The following PPP5C variants were observed in gnomAD, a reference collection of about 807,000 sequenced individuals.
PPP5C encodes protein phosphatase 5 catalytic subunit, also known as serine/threonine-protein phosphatase 5.
PPP5C carries 21 observed loss-of-function variants against 66.7 expected under a neutral mutation model. The ratio of observed to expected loss-of-function variants is 0.31; its 90% CI spans 0.22 to 0.45. PPP5C has a LOEUF of 0.45. Ranked by LOEUF, PPP5C falls within the 20% of genes least tolerant of loss-of-function variation. PPP5C has a pLI of 1.00. For missense variants in PPP5C, 464 were observed against 675.9 expected, an observed-to-expected ratio of 0.69 and a Z score of 3.48; for synonymous variants, 246 against 257.4, an observed-to-expected ratio of 0.96 and a Z score of 0.43.
chr19:46,363,192 C>T (rs1220026112), intron 2 of PPP5C, among the ~76,000 whole-genome samples: 5 of 138,414 alleles, frequency 3.6e-5, no homozygotes, highest in Non-Finnish European at 7.8e-5. Flanking sequence ...CCTGTAGTCC[C>T]AGCTACTTGG....
At chr19:46,385,758 C>T (rs1377983297) in intron 7 of PPP5C, among the ~76,000 whole-genome samples, 6 of 147,680 alleles carry the variant, frequency 4.1e-5, no homozygotes, top group Non-Finnish European at 7.4e-5. Context: ...CCAGCCTAGT[C>T]GATAGAGTGA....
At chr19:46,367,815 A>C (rs963648568) in intron 2 of PPP5C, among the ~76,000 whole-genome samples, 8 of 152,126 alleles carry the variant, frequency 5.3e-5, no homozygotes, top group Admixed American at 3.9e-4. Flanking sequence ...GCAAATCCAC[A>C]ATTAGAATAA....
chr19:46,348,337 G>A (rs947185629), intron 1 of PPP5C, among the ~76,000 whole-genome samples: 9 of 147,612 alleles, frequency 6.1e-5, no homozygotes, highest in Admixed American at 4.1e-4. Flanking sequence ...TTTGAGACGG[G>A]AGTTTTGCTC....
intron 6 of PPP5C, 134 bp from the exon 7 acceptor site, chr19:46,384,670 C>T: frequency 1.5e-6 from 1 of 676,354 alleles, no homozygotes; most frequent in African/African-American, 1.8e-5. Flanking sequence ...AGTCCTCACT[C>T]CCTGGGAGGT....
At chr19:46,367,081 A>G (rs535415206) in intron 2 of PPP5C, among the ~76,000 whole-genome samples, 7 of 152,292 alleles carry the variant, frequency 4.6e-5, no homozygotes, top group South Asian at 2.1e-4. Flanking sequence ...CTAGTGGGCT[A>G]TTTTTATCAG....
rs920612457 is a variant in PPP5C at position 46,372,177 on chromosome 19, A to G, written c.364-3427A>G. Among the ~76,000 whole-genome samples the G allele has an allele frequency of 3.3e-5, 5 of 152,030 alleles. No homozygotes were observed. The South Asian group carries it at 1.0e-3, about 32-fold the overall frequency. On this transcript the variant is annotated intron_variant, in intron 2 of 12. Transcript: ENST00000012443. The stretch of plus-strand genomic sequence containing the variant: ...TGTCCTATGATAGAGCATGTACACA[A>G]AATCATGTGGGTTTTTTTGTATTGT...
chr19:46,352,019 A>G (rs927874042), intron 1 of PPP5C, among the ~76,000 whole-genome samples: 13 of 152,136 alleles, frequency 8.5e-5, no homozygotes, highest in Non-Finnish European at 1.9e-4. Flanking sequence ...TCCCTTCTGT[A>G]ATGTCAGTCC....
chr19:46,371,889 A>G (rs1250159536), intron 2 of PPP5C, among the ~76,000 whole-genome samples: 2 of 151,972 alleles, frequency 1.3e-5, no homozygotes, highest in African/African-American at 4.8e-5. Context: ...GCCCTGTTAC[A>G]CCTTGTACTG....
chr19:46,389,101 A>G (rs913723476), intron 11 of PPP5C, among the ~76,000 whole-genome samples: 2 of 152,096 alleles, frequency 1.3e-5, no homozygotes, highest in Non-Finnish European at 2.9e-5. Context: ...AGGTGGGCGG[A>G]TCACCTGAGG....
At chr19:46,389,403 A>AGAGTGTTGAT (rs1568579885) in intron 11 of PPP5C, among the ~76,000 whole-genome samples, 5 of 26,066 alleles carry the variant, frequency 1.9e-4, no homozygotes, top group Non-Finnish European at 5.0e-4. Flanking sequence ...ACACACACAC[A>AGAGTGTTGAT]CACACACACA....
In PPP5C at chr19:46,390,271, C is replaced by A. The variant is rs1334014949; in HGVS notation, c.1438-13C>A. On this transcript the variant is annotated splice_polypyrimidine_tract_variant and intron_variant, in intron 12 of 12. Coordinates refer to ENST00000012443, the MANE Select transcript of PPP5C (RefSeq NM_006247.4). ...TCTGACTTCTGTCCATCCCACCTGC[C>A]CTGGTCCCACAGCCTCATCCCAACG... is the stretch of plus-strand genomic sequence containing the variant. 1 of 1,593,202 alleles carries A rather than the reference C, an allele frequency of 6.3e-7. No individual in the cohort carries two copies. The highest frequency in any genetic ancestry group is 1.8e-5 in the Admixed American group (1 of 56,114).
intron 11 of PPP5C, among the ~76,000 whole-genome samples, chr19:46,389,446 CACACACACACACACAG>C (rs1972967613): frequency 6.6e-5 from 7 of 106,244 alleles, no homozygotes; most frequent in African/African-American, 2.8e-4. Context: ...CACACACACA[CACACACACACACACAG>C]TGTTGATCCC....
intron 11 of PPP5C, 135 bp from the exon 12 acceptor site, chr19:46,389,916 C>CTCTGTCCA: frequency 2.7e-6 from 2 of 735,212 alleles, no homozygotes; most frequent in Non-Finnish European, 4.8e-6. Context: ...ATCTCTGTCT[C>CTCTGTCCA]TCTGTCCATC....
intron 2 of PPP5C, among the ~76,000 whole-genome samples, chr19:46,368,131 G>A (rs1335226731): frequency 6.6e-6 from 1 of 152,226 alleles, no homozygotes; most frequent in Non-Finnish European, 1.5e-5. Context: ...AGAGATTGTA[G>A]AGATTAGTGC....
chr19:46,383,921 C>T lies in PPP5C; in HGVS notation c.798+43C>T, dbSNP rs144104618. 5.9e-4 allele frequency: 875 copies of T among 1,485,370 alleles called. 5 individuals are homozygous for T. In the African/African-American group the frequency reaches 0.011, roughly 18 times the overall value. 92.0% of individuals were successfully genotyped at this position (1,485,370 alleles called of 1,614,324 possible). On this transcript the variant is annotated intron_variant, in intron 6 of 12. Coordinates refer to ENST00000012443, the MANE Select transcript of PPP5C (RefSeq NM_006247.4). This position sits in a 1 kb window ranked among gnomAD's most constrained non-coding sequence, Gnocchi z 5.0. ...GCCACCCTCTCCCCACCTCCACCCC[C>T]AGCCGCAGCCTCAGGTCTGCACAGA...
intron 2 of PPP5C, among the ~76,000 whole-genome samples, chr19:46,361,129 A>ATTTTTT (rs59090221): frequency 1.4e-5 from 2 of 140,250 alleles, no homozygotes; most frequent in East Asian, 2.1e-4. Flanking sequence ...GTGAAAGAAA[A>ATTTTTT]TTTTTTTTTT....
rs370271643 is a variant in PPP5C, at chr19:46,387,081, C to T, written c.905-12C>T. 2.9e-5 allele frequency: 47 copies of T among 1,614,056 alleles called. No individual in the cohort carries two copies. Among genetic ancestry groups the T allele is most frequent in the Non-Finnish European group, 3.3e-5 (39 of 1,180,030 alleles). On this transcript the variant is annotated splice_polypyrimidine_tract_variant and intron_variant, in intron 7 of 12. Transcript: ENST00000012443. ...GAGGCTGAGCTTTCTCTTCTGTCCC[C>T]GTGTTGGCCAGGCAACCACGAGACA...
intron 1 of PPP5C, among the ~76,000 whole-genome samples, chr19:46,352,693 G>A (rs1409785250): frequency 5.3e-5 from 8 of 151,982 alleles, no homozygotes; most frequent in African/African-American, 1.2e-4. Context: ...AGTGGCGGGC[G>A]CCTATAGTCC....
intron 2 of PPP5C, among the ~76,000 whole-genome samples, chr19:46,367,888 A>G (rs1209851937): frequency 6.6e-6 from 1 of 152,170 alleles, no homozygotes; most frequent in Non-Finnish European, 1.5e-5. Context: ...ATGGAGTTTT[A>G]GCTCAGGTCC....
Sources: allele counts gnomAD v4.1 joint callset (sites outside exome capture counted in the v4.1 genomes callset), GRCh38; gene constraint gnomAD v4.1.1; non-coding constraint Gnocchi (gnomAD v3.1); transcripts MANE v1.5; gene names NCBI Gene and HGNC (gene_info 2026-07-23, HGNC 2026-07-21).